The following MYH11 variants were observed in gnomAD, a reference collection of about 807,000 sequenced individuals.
MYH11 encodes myosin-11.
A neutral mutation model predicts 246.6 loss-of-function variants in MYH11; 80 were observed. The observed-to-expected ratio is 0.32, with a 90% CI of 0.27 to 0.39. The LOEUF is 0.39. Ranked by LOEUF, MYH11 falls within the 10% of genes least tolerant of loss-of-function variation. The probability of loss-of-function intolerance (pLI) is 1.00; values close to 1 mark genes in which losing one functional copy is unlikely to be tolerated. For missense variants in MYH11, 2,158 were observed against 2,546.8 expected (o/e 0.85, Z 3.29); for synonymous variants, 1,071 against 1,015.5 (o/e 1.05, Z -1.04).
intron 40 of MYH11, chr16:15,714,065 C>G (rs889771384): frequency 6.6e-6 from 1 of 152,342 alleles, no homozygotes; most frequent in Non-Finnish European, 1.5e-5. Flanking sequence ...GTCAAGGAAC[C>G]GAGAGGCTGC....
chr16:15,719,287 C>A lies in MYH11; in HGVS notation c.5104G>T (p.Ala1702Ser), dbSNP rs755050373. ...TTCTCGAGGTCCGCTTGTTTGCGAG[C>A]CCTCTCAGCGGCGGCGAGGTCCTAG... ...LQEDLAAAER[A>S]RKQADLEKEE... The change falls in exon 36 of 41, where the codon GCT becomes TCT. Residue 1702 changes from alanine (A) to serine (S), a missense_variant. This residue lies in a region of MYH11 where 1,013 missense variants were observed against 993.5 expected (regional missense o/e 1.02). Transcript: ENST00000300036. 1 of 1,612,434 alleles carries A rather than the reference C, an allele frequency of 6.2e-7. No homozygotes were observed. The highest frequency in any genetic ancestry group is 1.1e-5 in the South Asian group (1 of 91,064).
At chr16:15,771,486 C>A in intron 9 of MYH11, 83 bp downstream of exon 9, 20 of 1,186,406 alleles carry the variant, frequency 1.7e-5, no homozygotes, top group Non-Finnish European at 2.3e-5. Flanking sequence ...GAGCAGAAAT[C>A]TGTCCTGACC....
At chr16:15,787,137 TG>T (rs1334692331) in intron 4 of MYH11, among the ~76,000 whole-genome samples, 2 of 152,012 alleles carry the variant, frequency 1.3e-5, no homozygotes, top group Non-Finnish European at 2.9e-5. Context: ...CCAGGCATGG[TG>T]GCACATGCCT....
intron 23 of MYH11, among the ~76,000 whole-genome samples, chr16:15,739,689 C>A (rs1480615611): frequency 6.6e-6 from 1 of 152,078 alleles, no homozygotes; most frequent in African/African-American, 2.4e-5. Context: ...GTCCCAAATC[C>A]CCAAAATCTC....
chr16:15,726,328 CAATA>C, intron 28 of MYH11: 1 of 172,560 alleles, frequency 5.8e-6, no homozygotes, highest in Non-Finnish European at 1.3e-5. Flanking sequence ...AGCAGGTGCT[CAATA>C]AATACTTATC....
chr16:15,754,407 A>G (rs1325384692), intron 14 of MYH11, among the ~76,000 whole-genome samples: 2 of 152,216 alleles, frequency 1.3e-5, no homozygotes, highest in Non-Finnish European at 1.5e-5. Flanking sequence ...ATTAAATGAA[A>G]GGAACTGATA....
Position 15,803,163 on chromosome 16 carries a change from A to G in MYH11, c.503-4476T>C, listed in dbSNP as rs558368311. Among the ~76,000 whole-genome samples the G allele has an allele frequency of 5.3e-5, 8 of 152,164 alleles. No homozygotes were observed. The East Asian group carries it at 1.4e-3, about 26-fold the overall frequency. ...AAGAAAAAAAAAGCAGGAAAAAAGC[A>G]ATCAAACTTTAATCTCTCCATTATA... is the stretch of plus-strand genomic sequence containing the variant. On this transcript the variant is annotated intron_variant, in intron 3 of 40. Coordinates refer to ENST00000300036, the MANE Select transcript of MYH11 (RefSeq NM_002474.3).
chr16:15,775,976 G>A, intron 8 of MYH11, 102 bp downstream of exon 8: 1 of 867,104 alleles, frequency 1.2e-6, no homozygotes, highest in Non-Finnish European at 2.0e-6. Flanking sequence ...GGTCCTTTCT[G>A]GCAGGATCTG....
intron 4 of MYH11, chr16:15,791,674 T>TTA (rs2042613198): frequency 8.3e-6 from 1 of 119,978 alleles, no homozygotes. Context: ...CTTGTATGAT[T>TTA]TTTTTTTTTT....
At chr16:15,743,790 G>A (rs1349682982) in intron 20 of MYH11, among the ~76,000 whole-genome samples, 1 of 152,196 alleles carries the variant, frequency 6.6e-6, no homozygotes, top group Non-Finnish European at 1.5e-5. Flanking sequence ...CTGGGATACA[G>A]CAGGCACTCA....
In MYH11 at chr16:15,747,604, A is replaced by G. The variant is rs1210863794; in HGVS notation, c.2377T>C (p.Phe793Leu). The change falls in exon 19 of 41, where the codon TTC becomes CTC. Residue 793 changes from phenylalanine (F) to leucine (L), a missense_variant. By Grantham distance (22) the Phe-to-Leu change is conservative. Coordinates refer to ENST00000300036, the MANE Select transcript of MYH11 (RefSeq NM_002474.3). ...AAGTAGCCACGACACATCGCCTGGAAGGCCATGATGACATCGGTGATCTTC... is the reference window on the plus strand; with the variant it reads ...AAGTAGCCACGACACATCGCCTGGAGGGCCATGATGACATCGGTGATCTTC... The part of the protein sequence containing the change: ...DLKITDVIMA[F>L]QAMCRGYLAR... 1 of 1,613,960 alleles carries G rather than the reference A, an allele frequency of 6.2e-7. No homozygotes were observed. The highest frequency in any genetic ancestry group is 1.3e-5 in the African/African-American group (1 of 74,888).
At chr16:15,832,713 C>T (rs2043772639) in intron 2 of MYH11, among the ~76,000 whole-genome samples, 1 of 152,148 alleles carries the variant, frequency 6.6e-6, no homozygotes, top group Non-Finnish European at 1.5e-5. Flanking sequence ...CCTTCTTGCT[C>T]TGCACTTAAA....
At chr16:15,722,317 G>A (rs895813344) in intron 31 of MYH11, among the ~76,000 whole-genome samples, 1 of 152,228 alleles carries the variant, frequency 6.6e-6, no homozygotes, top group Non-Finnish European at 1.5e-5. Flanking sequence ...GCCTCAGTAG[G>A]GAAATGGTAA....
intron 2 of MYH11, among the ~76,000 whole-genome samples, chr16:15,837,333 C>T (rs748901838): frequency 6.6e-6 from 1 of 152,190 alleles, no homozygotes; most frequent in African/African-American, 2.4e-5. Flanking sequence ...GTTTATCATA[C>T]GTCTTGGCAC....
intron 2 of MYH11, among the ~76,000 whole-genome samples, chr16:15,836,493 A>G (rs7206118): frequency 0.026 from 3,945 of 151,798 alleles, 172 homozygotes; most frequent in African/African-American, 0.09. Context: ...TCCATCTCCC[A>G]GGTTCAAGCG....
chr16:15,765,124 T>G (rs989390022), intron 9 of MYH11, among the ~76,000 whole-genome samples: 5 of 151,946 alleles, frequency 3.3e-5, no homozygotes, highest in Non-Finnish European at 7.4e-5. Context: ...GGGAGAGAGA[T>G]GGATGGATGG....
chr16:15,837,572 GT>G (rs2043932284), intron 2 of MYH11, among the ~76,000 whole-genome samples: 1 of 127,374 alleles, frequency 7.9e-6, no homozygotes, highest in Admixed American at 9.3e-5. Context: ...GTCTTATTCT[GT>G]CACCCAGGCT....
Position 15,717,216 on chromosome 16 carries a change from A to G in MYH11, c.5428T>C (p.Ser1810Pro), listed in dbSNP as rs751355793. ...KLHEMEGAVKSKFKSTIAALE... is the reference protein window; with the variant it reads ...KLHEMEGAVKPKFKSTIAALE... Reference sequence around the variant, plus strand: ...GCCGCGATGGTGGACTTGAACTTGGACTTGACGGCCCCCTCCATCTCGTGG... The same window carrying G: ...GCCGCGATGGTGGACTTGAACTTGGGCTTGACGGCCCCCTCCATCTCGTGG... The change falls in exon 38 of 41, where the codon TCC becomes CCC. Residue 1810 changes from serine to proline, a missense_variant. Physicochemically the swap from Ser to Pro is moderately conservative, Grantham distance 74 (BLOSUM62 -1). This residue lies in a region of MYH11 where 1,013 missense variants were observed against 993.5 expected (regional missense o/e 1.02). Coordinates refer to ENST00000300036, the MANE Select transcript of MYH11 (RefSeq NM_002474.3). 5.6e-6 allele frequency: 9 copies of G among 1,613,952 alleles called. No individual in the cohort carries two copies. Among genetic ancestry groups the G allele is most frequent in the Non-Finnish European group, 8.5e-7 (1 of 1,180,014 alleles).
At chr16:15,819,912 C>T (rs375189642) in intron 3 of MYH11, among the ~76,000 whole-genome samples, 7 of 152,228 alleles carry the variant, frequency 4.6e-5, no homozygotes, top group East Asian at 3.9e-4. Context: ...CCTCCTTCTC[C>T]GACGATTCAG....
Sources: gnomAD v4.1 joint callset for allele counts (sites outside exome capture counted in the v4.1 genomes callset) on GRCh38, gnomAD v4.1.1 for gene constraint, gnomAD v4.1.1 regional missense constraint, MANE v1.5 for transcripts, NCBI Gene and HGNC (gene_info 2026-07-23, HGNC 2026-07-21) for gene names.